CCDC83: variants seen among roughly 807,000 people sequenced by gnomAD.
CCDC83 encodes the protein coiled-coil domain containing 83, also known as coiled-coil domain-containing protein 83.
CCDC83 carries 54 observed loss-of-function variants against 50.1 expected under a neutral mutation model. The observed-to-expected ratio is 1.08, with a 90% CI of 0.87 to 1.35. CCDC83 has a LOEUF of 1.35. Ranked by LOEUF, CCDC83 falls within the 40% of genes most tolerant of loss-of-function variation. CCDC83 has a pLI of 0.00. For missense variants in CCDC83, 518 were observed against 473.9 expected (o/e 1.09, Z -0.86); for synonymous variants, 161 against 153.3 (o/e 1.05, Z -0.37).
chr11:85,917,167 A>AGAGAGAGAGAGAGAGAGAAG (rs1554986879), intron 10 of CCDC83, among the ~76,000 whole-genome samples: 15 of 86,944 alleles, frequency 1.7e-4, no homozygotes, highest in African/African-American at 6.1e-4. Context: ...AGAGAGAGAG[A>AGAGAGAGAGAGAGAGAGAAG]GAAAGAAAGA....
At chr11:85,917,323 T>C (rs1293691640) in intron 10 of CCDC83, among the ~76,000 whole-genome samples, 1 of 152,094 alleles carries the variant, frequency 6.6e-6, no homozygotes, top group Admixed American at 6.5e-5. Flanking sequence ...CAGTTTTATA[T>C]GGCTTAGCCT....
intron 1 of CCDC83, among the ~76,000 whole-genome samples, chr11:85,863,016 T>A (rs974919541): frequency 1.1e-4 from 16 of 152,096 alleles, no homozygotes; most frequent in Non-Finnish European, 2.2e-4. Context: ...AGTCAGAGAG[T>A]TAAAAACATA....
chr11:85,857,774 C>T (rs1461668003), intron 1 of CCDC83, among the ~76,000 whole-genome samples: 2 of 152,134 alleles, frequency 1.3e-5, no homozygotes, highest in Non-Finnish European at 2.9e-5. Context: ...TGTGCCCAGG[C>T]CCTGTGGGGT....
chr11:85,909,037 A>G (rs1258294411), intron 7 of CCDC83, among the ~76,000 whole-genome samples: 1 of 152,152 alleles, frequency 6.6e-6, no homozygotes, highest in Non-Finnish European at 1.5e-5. Flanking sequence ...GGGCTCAAGC[A>G]ATCCTCCCGC....
chr11:85,919,330 T>C lies in CCDC83; in HGVS notation c.1081-19T>C. The stretch of plus-strand genomic sequence containing the variant: ...GCTGAATCACCTCTCCTATTCTTTT[T>C]TGTGCCTGTTCACCATAGGATTATG... On this transcript the variant is annotated intron_variant, in intron 10 of 10. Coordinates refer to ENST00000342404, the MANE Select transcript of CCDC83 (RefSeq NM_001286159.2). 2 of 1,570,634 alleles carry C rather than the reference T, an allele frequency of 1.3e-6. No homozygotes were observed. The highest frequency in any genetic ancestry group is 1.2e-5 in the South Asian group (1 of 84,214).
chr11:85,901,461 T>C (rs2093401514), intron 7 of CCDC83, among the ~76,000 whole-genome samples: 1 of 151,768 alleles, frequency 6.6e-6, no homozygotes, highest in African/African-American at 2.4e-5. Context: ...TAGTCCCAAA[T>C]ACCCAGGAGG....
At chr11:85,895,439 T>C in intron 6 of CCDC83, 55 bp downstream of exon 6, 1 of 1,153,784 alleles carries the variant, frequency 8.7e-7, no homozygotes, top group Non-Finnish European at 1.3e-6. Flanking sequence ...CCCCTATTTT[T>C]TCTTTGGGTA....
At chr11:85,910,951 C>T (rs1227942068) in intron 7 of CCDC83, among the ~76,000 whole-genome samples, 4 of 152,148 alleles carry the variant, frequency 2.6e-5, no homozygotes, top group East Asian at 1.9e-4. Flanking sequence ...GCAGGCAGAT[C>T]ACCTGAGGTC....
rs1355062482 is a variant in CCDC83 at position 85,916,210 on chromosome 11, T to G, written c.1057T>G (p.Tyr353Asp). ...GGACACTGATATGAAGTACTTACTA[T>G]ATGAGGATGAGAAGGATTTCAAGGT... The part of the protein sequence containing the change: ...FGDTDMKYLL[Y>D]EDEKDFKDYV... The change falls in exon 10 of 11, where the codon TAT becomes GAT. Residue 353 changes from tyrosine (Y) to aspartate (D), a missense_variant. By Grantham distance (160) the Tyr-to-Asp change is radical. Transcript: ENST00000342404. The G allele has an allele frequency of 6.2e-7, 1 of 1,610,086 alleles. No individual in the cohort carries two copies. The highest frequency in any genetic ancestry group is 8.5e-7 in the Non-Finnish European group (1 of 1,178,068).
chr11:85,919,252 C>G, intron 10 of CCDC83, 97 bp from the exon 11 acceptor site: 2 of 1,137,088 alleles, frequency 1.8e-6, no homozygotes, highest in Non-Finnish European at 2.5e-6. Context: ...TGAAGTCTGT[C>G]AGATAAAGGC....
rs566431575 is a variant in CCDC83 at position 85,879,907 on chromosome 11, C to T, written c.181-2606C>T. Among the ~76,000 whole-genome samples the T allele has an allele frequency of 2.6e-5, 4 of 152,298 alleles. No homozygotes were observed. In the South Asian group the frequency reaches 6.2e-4, roughly 24 times the overall value. On this transcript the variant is annotated intron_variant, in intron 3 of 10. Coordinates refer to ENST00000342404, the MANE Select transcript of CCDC83 (RefSeq NM_001286159.2). ...TTGGAATTACAGGCGTGAGCCACCG[C>T]GCCCTGCCTTGTGTGCGTCTGTTTC... is the stretch of plus-strand genomic sequence containing the variant.
intron 3 of CCDC83, among the ~76,000 whole-genome samples, chr11:85,879,006 GTA>G (rs58663081): frequency 6.6e-6 from 1 of 151,886 alleles, no homozygotes; most frequent in Non-Finnish European, 1.5e-5. Context: ...TGAGTTTTAC[GTA>G]TATATATAAT....
chr11:85,898,832 AAAGT>A (rs1323356738), intron 6 of CCDC83, 111 bp from the exon 7 acceptor site: 3 of 756,224 alleles, frequency 4.0e-6, no homozygotes, highest in East Asian at 2.5e-5. Context: ...GTATGTTCCT[AAAGT>A]AATTGCAGAC....
chr11:85,909,811 A>G (rs1382335389), intron 7 of CCDC83, among the ~76,000 whole-genome samples: 2 of 151,786 alleles, frequency 1.3e-5, no homozygotes, highest in African/African-American at 4.8e-5. Flanking sequence ...ATTTTTTCCT[A>G]TTTGAATTAG....
At chr11:85,915,126 A>G (rs1565158469) in intron 8 of CCDC83, among the ~76,000 whole-genome samples, 1 of 152,150 alleles carries the variant, frequency 6.6e-6, no homozygotes, top group Non-Finnish European at 1.5e-5. Context: ...AAAGACTAAG[A>G]TCAGGTTTCA....
intron 8 of CCDC83, among the ~76,000 whole-genome samples, chr11:85,914,540 CTCTT>C (rs1439404876): frequency 6.6e-6 from 1 of 152,206 alleles, no homozygotes; most frequent in Non-Finnish European, 1.5e-5. Flanking sequence ...TGTTCGCTTT[CTCTT>C]TCTCTCTTCA....
intron 5 of CCDC83, 140 bp from the exon 6 acceptor site, chr11:85,895,153 G>C: frequency 6.8e-6 from 2 of 293,946 alleles, no homozygotes; most frequent in Non-Finnish European, 1.2e-5. Context: ...TACCCGAACA[G>C]ATAATAAAGT....
At chr11:85,872,096 G>T (rs1423184821) in intron 2 of CCDC83, among the ~76,000 whole-genome samples, 1 of 152,076 alleles carries the variant, frequency 6.6e-6, no homozygotes, top group Non-Finnish European at 1.5e-5. Flanking sequence ...AGAACTACAG[G>T]CATTCACCTC....
At chr11:85,869,287 G>A (rs908220027) in intron 2 of CCDC83, among the ~76,000 whole-genome samples, 3 of 152,146 alleles carry the variant, frequency 2.0e-5, no homozygotes, top group South Asian at 2.1e-4. Flanking sequence ...TGTTTGTGAA[G>A]AACTGATACT....
Sources: gnomAD v4.1 joint callset for allele counts (sites outside exome capture counted in the v4.1 genomes callset) on GRCh38, gnomAD v4.1.1 for gene constraint, MANE v1.5 for transcripts, NCBI Gene and HGNC (gene_info 2026-07-23, HGNC 2026-07-21) for gene names.